Variants in TMTC3 observed in about 807,000 individuals in gnomAD.
The protein encoded by TMTC3 is protein O-mannosyl-transferase TMTC3.
TMTC3 carries 52 observed loss-of-function variants against 92.2 expected under a neutral mutation model. The ratio of observed to expected loss-of-function variants is 0.56; its 90% CI spans 0.45 to 0.71. The LOEUF is 0.71. TMTC3 is among the 30% of genes least tolerant of loss of function. The pLI, the probability that TMTC3 is intolerant of heterozygous loss-of-function variation, is 0.00. For missense variants in TMTC3, 896 were observed against 1,057.1 expected (o/e 0.85, Z 2.11); for synonymous variants, 339 against 363.3 (o/e 0.93, Z 0.76).
rs1592729892 is a variant in TMTC3 at position 88,160,736 on chromosome 12, A to G, written c.682A>G (p.Ile228Val). The change falls in exon 6 of 14, where the codon ATT (isoleucine) becomes GTT (valine). Residue 228 changes from isoleucine to valine, a missense_variant. By Grantham distance (29) the Ile-to-Val change is conservative. Transcript: ENST00000266712. ...AGQFLRGKGSIPFSMLQTLVK... is the reference protein window; with the variant it reads ...AGQFLRGKGSVPFSMLQTLVK... ...ACAGTTTCTCCGTGGAAAGGGTAGC[A>G]TTCCATTTTCTATGCTGCAGACACT... The G allele has an allele frequency of 8.1e-6, 13 of 1,613,556 alleles. No homozygotes were observed. The East Asian group carries it at 2.5e-4, about 30-fold the overall frequency.
rs558187141 is a variant in TMTC3 at position 88,157,973 on chromosome 12, A to T, written c.509-2141A>T. On this transcript the variant is annotated intron_variant, in intron 4 of 13. Coordinates refer to ENST00000266712, the MANE Select transcript of TMTC3 (RefSeq NM_181783.4). ...CCATTTGCTTGTTCTTCCTTGAAGT[A>T]GAAATACAAATTACTGAGAAGCTCT... is the stretch of plus-strand genomic sequence containing the variant. Among the ~76,000 whole-genome samples the T allele has an allele frequency of 5.9e-5, 9 of 152,310 alleles. 1 individual carries two copies. The highest frequency in any genetic ancestry group is 2.2e-4 in the African/African-American group (9 of 41,588).
intron 1 of TMTC3, among the ~76,000 whole-genome samples, chr12:88,143,422 CA>C (rs2040807554): frequency 6.6e-6 from 1 of 152,084 alleles, no homozygotes; most frequent in Non-Finnish European, 1.5e-5. Flanking sequence ...CCTTACAATC[CA>C]GTGAAATAGG....
At chr12:88,155,380 G>A (rs1041663511) in intron 4 of TMTC3, among the ~76,000 whole-genome samples, 4 of 152,158 alleles carry the variant, frequency 2.6e-5, no homozygotes, top group Admixed American at 2.6e-4. Flanking sequence ...TGGAATTGCA[G>A]ACCAGTATCC....
At chr12:88,152,274 A>G (rs1357347615) in intron 2 of TMTC3, among the ~76,000 whole-genome samples, 1 of 152,132 alleles carries the variant, frequency 6.6e-6, no homozygotes, top group Non-Finnish European at 1.5e-5. Context: ...GAGCAGGTGT[A>G]TCACATGGTG....
chr12:88,179,885 C>G (rs1257956604), intron 10 of TMTC3, among the ~76,000 whole-genome samples: 1 of 152,170 alleles, frequency 6.6e-6, no homozygotes, highest in Non-Finnish European at 1.5e-5. Context: ...ACAAATTTAT[C>G]TAGATAAGTT....
At chr12:88,163,173 C>T (rs1018648027) in intron 6 of TMTC3, among the ~76,000 whole-genome samples, 2 of 152,086 alleles carry the variant, frequency 1.3e-5, no homozygotes, top group African/African-American at 4.8e-5. Context: ...ACCTCAGCCT[C>T]CCAAAGTGCT....
intron 1 of TMTC3, among the ~76,000 whole-genome samples, chr12:88,142,745 C>T (rs575480103): frequency 2.6e-5 from 4 of 152,330 alleles, no homozygotes; most frequent in Admixed American, 2.0e-4. Flanking sequence ...CCGTGATCCT[C>T]GTTTGGGGGC....
intron 1 of TMTC3, among the ~76,000 whole-genome samples, chr12:88,143,597 G>C (rs1278853908): frequency 6.6e-6 from 1 of 152,164 alleles, no homozygotes; most frequent in Non-Finnish European, 1.5e-5. Context: ...TTTGTGAAGT[G>C]CTTGTTCCTC....
Position 88,195,822 on chromosome 12 carries a change from A to G in TMTC3, c.*173A>G. ...AAAGACCTGTATTATCCCAGGATGTATATTATGTATCGCTGTTTTCAGAGT... is the reference window on the plus strand; with the variant it reads ...AAAGACCTGTATTATCCCAGGATGTGTATTATGTATCGCTGTTTTCAGAGT... On this transcript the variant is annotated 3_prime_UTR_variant, in exon 14 of 14. Coordinates refer to ENST00000266712, the MANE Select transcript of TMTC3 (RefSeq NM_181783.4). 2.0e-6 allele frequency: 1 copy of G among 498,260 alleles called. No individual in the cohort carries two copies. The highest frequency in any genetic ancestry group is 3.5e-6 in the Non-Finnish European group (1 of 288,008). The allele number at this position is 498,260 out of a possible 1,614,324, so 30.9% of individuals were successfully genotyped here.
chr12:88,149,685 A>G (rs1167285906), intron 2 of TMTC3, among the ~76,000 whole-genome samples: 1 of 152,166 alleles, frequency 6.6e-6, no homozygotes, highest in Non-Finnish European at 1.5e-5. Context: ...CTCTTTCCCC[A>G]TTCCCCAAAT....
chr12:88,189,094 ATTTTT>A, intron 11 of TMTC3, 148 bp downstream of exon 11: 3 of 429,424 alleles, frequency 7.0e-6, no homozygotes, highest in Non-Finnish European at 1.2e-5. Context: ...AGCTTACTTA[ATTTTT>A]TTTTTTTTTT....
At chr12:88,187,631 C>T (rs1208029884) in intron 10 of TMTC3, among the ~76,000 whole-genome samples, 3 of 152,170 alleles carry the variant, frequency 2.0e-5, no homozygotes, top group Non-Finnish European at 2.9e-5. Context: ...ACCGCATCTG[C>T]CAGTTTTTGT....
intron 10 of TMTC3, among the ~76,000 whole-genome samples, chr12:88,178,469 A>T (rs1179504026): frequency 6.6e-6 from 1 of 152,082 alleles, no homozygotes; most frequent in Non-Finnish European, 1.5e-5. Context: ...TAGTTTTCAT[A>T]TGTAAAACCC....
At chr12:88,151,375 A>G (rs2040941031) in intron 2 of TMTC3, among the ~76,000 whole-genome samples, 1 of 152,192 alleles carries the variant, frequency 6.6e-6, no homozygotes, top group Non-Finnish European at 1.5e-5. Flanking sequence ...TAGCTTAATC[A>G]TTCATTACAC....
intron 8 of TMTC3, chr12:88,173,177 T>G: frequency 3.9e-6 from 4 of 1,033,298 alleles, no homozygotes; most frequent in Non-Finnish European, 5.0e-6. Context: ...ATTATAATCT[T>G]TGTATCCTAG....
chr12:88,173,908 A>G (rs1565952101), intron 8 of TMTC3, among the ~76,000 whole-genome samples: 1 of 152,126 alleles, frequency 6.6e-6, no homozygotes. Context: ...ACTGCTTCCA[A>G]TGACCATGTT....
At chr12:88,146,898 T>C (rs1292545793) in intron 1 of TMTC3, among the ~76,000 whole-genome samples, 2 of 150,094 alleles carry the variant, frequency 1.3e-5, no homozygotes, top group Admixed American at 6.7e-5. Context: ...GTTTAATATG[T>C]TTATTATGTT....
chr12:88,154,240 T>C lies in TMTC3; in HGVS notation c.409-48T>C, dbSNP rs752052679. ...TTTTACCATTATATATAGTAATTTT[T>C]CAAGATATTCTTTATTAATATGAAC... On this transcript the variant is annotated intron_variant, in intron 3 of 13. Coordinates refer to ENST00000266712, the MANE Select transcript of TMTC3 (RefSeq NM_181783.4). The C allele has an allele frequency of 3.8e-6, 5 of 1,300,500 alleles. No individual in the cohort carries two copies. In the African/African-American group the frequency reaches 7.5e-5, roughly 19 times the overall value. 80.6% of individuals were successfully genotyped at this position (1,300,500 alleles called of 1,614,324 possible). A position where few individuals can be genotyped will look rare whatever the true frequency, so the allele number is the denominator to read the frequency against.
At chr12:88,164,817 C>T (rs912846023) in intron 6 of TMTC3, among the ~76,000 whole-genome samples, 1 of 152,046 alleles carries the variant, frequency 6.6e-6, no homozygotes, top group Non-Finnish European at 1.5e-5. Flanking sequence ...TTTTTAAACC[C>T]AAAACTGTGT....
Sources: gnomAD v4.1 joint callset for allele counts (sites outside exome capture counted in the v4.1 genomes callset) on GRCh38, gnomAD v4.1.1 for gene constraint, MANE v1.5 for transcripts, NCBI Gene and HGNC (gene_info 2026-07-23, HGNC 2026-07-21) for gene names.